The following TBC1D32 variants were observed in gnomAD, a reference collection of about 807,000 sequenced individuals.
The protein encoded by TBC1D32 is protein broad-minded.
TBC1D32 carries 151 observed loss-of-function variants against 170.3 expected under a neutral mutation model. The observed-to-expected ratio is 0.89, with a 90% CI of 0.78 to 1.01. The LOEUF (loss-of-function observed/expected upper bound fraction) is 1.01. TBC1D32 is among the 50% of genes least tolerant of loss of function. TBC1D32 has a pLI of 0.00. For missense variants in TBC1D32, 1,464 were observed against 1,457.1 expected (o/e 1.00, Z -0.08); for synonymous variants, 498 against 488.0 (o/e 1.02, Z -0.27).
chr6:121,101,685 G>A (rs935321528), intron 30 of TBC1D32, among the ~76,000 whole-genome samples: 2 of 152,114 alleles, frequency 1.3e-5, no homozygotes, highest in African/African-American at 4.8e-5. Context: ...CACAAGACAG[G>A]GATGCCCTCT....
chr6:121,272,586 G>A (rs572955432), intron 15 of TBC1D32, among the ~76,000 whole-genome samples: 13 of 152,110 alleles, frequency 8.5e-5, no homozygotes, highest in South Asian at 4.2e-4. Context: ...TTAGAATGGC[G>A]ATCATTAAAA....
rs202179950 is a variant in TBC1D32 at position 121,255,448 on chromosome 6, A to T, written c.1936-38T>A. 5.5e-3 allele frequency: 3,562 copies of T among 642,292 alleles called. 16 individuals are homozygous for T. Among genetic ancestry groups the T allele is most frequent in the Non-Finnish European group, 7.9e-3 (3,228 of 411,018 alleles). 39.8% of individuals were successfully genotyped at this position (642,292 alleles called of 1,614,324 possible). A position where few individuals can be genotyped will look rare whatever the true frequency, so the allele number is the denominator to read the frequency against. On this transcript the variant is annotated intron_variant, in intron 16 of 31. Transcript: ENST00000398212. The stretch of plus-strand genomic sequence containing the variant: ...AGAATAATTTATATTGCTTACTGAT[A>T]GCACTAGCCATATATTTATATTTTA...
chr6:121,135,050 G>A (rs1781895009), intron 24 of TBC1D32, among the ~76,000 whole-genome samples: 1 of 152,108 alleles, frequency 6.6e-6, no homozygotes, highest in Non-Finnish European at 1.5e-5. Flanking sequence ...GCTAGCCCAT[G>A]ACCTTCTATT....
At chr6:121,321,900 G>T in intron 1 of TBC1D32, 106 bp from the exon 2 acceptor site, 3 of 1,034,816 alleles carry the variant, frequency 2.9e-6, no homozygotes, top group South Asian at 4.4e-5. Context: ...CCTTAAACTA[G>T]GATTAAATTA....
chr6:121,325,451 G>A (rs1023766879), intron 1 of TBC1D32, among the ~76,000 whole-genome samples: 3 of 152,058 alleles, frequency 2.0e-5, no homozygotes, highest in Non-Finnish European at 2.9e-5. Flanking sequence ...ACAGAACAGA[G>A]GCCTCAGAAA....
chr6:121,131,677 C>T lies in TBC1D32; in HGVS notation c.2849G>A (p.Arg950Lys), dbSNP rs1781456038. The change falls in exon 25 of 32, where the codon AGA becomes AAA. Residue 950 changes from arginine (R) to lysine (K), a missense_variant. Coordinates refer to ENST00000398212, the MANE Select transcript of TBC1D32 (RefSeq NM_152730.6). ...KQTEWIENCQ[R>K]QFCKMMKAKP... ...GGCTTTCATCATTTTGCAAAATTGTCTTTGGCAGTTTTCTATCCATTCAGT... is the reference window on the plus strand; with the variant it reads ...GGCTTTCATCATTTTGCAAAATTGTTTTTGGCAGTTTTCTATCCATTCAGT... The T allele has an allele frequency of 1.2e-6, 2 of 1,611,518 alleles. No individual in the cohort carries two copies. Among genetic ancestry groups the T allele is most frequent in the Admixed American group, 1.7e-5 (1 of 59,890 alleles).
intron 14 of TBC1D32, among the ~76,000 whole-genome samples, chr6:121,280,706 C>T (rs1245050936): frequency 1.3e-5 from 2 of 149,516 alleles, no homozygotes; most frequent in African/African-American, 5.0e-5. Context: ...TCTATTATAA[C>T]TGGACTATAT....
chr6:121,126,285 A>C, intron 26 of TBC1D32, 93 bp downstream of exon 26: 1 of 903,584 alleles, frequency 1.1e-6, no homozygotes, highest in Non-Finnish European at 1.7e-6. Context: ...TTAGGATGAG[A>C]AAACTGCCTA....
intron 20 of TBC1D32, among the ~76,000 whole-genome samples, chr6:121,237,855 G>C (rs1486501598): frequency 1.3e-5 from 2 of 151,978 alleles, no homozygotes; most frequent in Non-Finnish European, 2.9e-5. Context: ...TCTCAAGAAT[G>C]AATCACATTT....
intron 30 of TBC1D32, among the ~76,000 whole-genome samples, chr6:121,105,479 T>G (rs1778584651): frequency 6.6e-6 from 1 of 151,906 alleles, no homozygotes; most frequent in South Asian, 2.1e-4. Context: ...TATAACATAG[T>G]GAAGCAACAA....
chr6:121,116,518 G>A lies in TBC1D32; in HGVS notation c.2984-1277C>T, dbSNP rs564874472. Among the ~76,000 whole-genome samples, 134 of 152,278 alleles carry A rather than the reference G, an allele frequency of 8.8e-4. 1 individual carries two copies. Among genetic ancestry groups the A allele is most frequent in the Admixed American group, 1.4e-3 (22 of 15,290 alleles). On this transcript the variant is annotated intron_variant, in intron 26 of 31. Transcript: ENST00000398212. ...TGAACCTTAACATATAGATCTGTGTGCCTATAGTAATACTAATGTTTTTTC... is the reference window on the plus strand; with the variant it reads ...TGAACCTTAACATATAGATCTGTGTACCTATAGTAATACTAATGTTTTTTC...
intron 11 of TBC1D32, among the ~76,000 whole-genome samples, chr6:121,293,208 A>G (rs2128465320): frequency 6.6e-6 from 1 of 152,274 alleles, no homozygotes; most frequent in African/African-American, 2.4e-5. Flanking sequence ...TGAAGGACTA[A>G]GAAAGTAATG....
At chr6:121,270,501 G>C (rs1398884430) in intron 15 of TBC1D32, among the ~76,000 whole-genome samples, 1 of 152,016 alleles carries the variant, frequency 6.6e-6, no homozygotes, top group Non-Finnish European at 1.5e-5. Flanking sequence ...AAATAAACTA[G>C]AAAATCTAGA....
chr6:121,118,961 C>T (rs544194781), intron 26 of TBC1D32, among the ~76,000 whole-genome samples: 46 of 152,214 alleles, frequency 3.0e-4, no homozygotes, highest in African/African-American at 8.4e-4. Flanking sequence ...CTTGATTATG[C>T]AATTACCCCT....
At chr6:121,260,952 T>C (rs1371902668) in intron 15 of TBC1D32, among the ~76,000 whole-genome samples, 1 of 152,086 alleles carries the variant, frequency 6.6e-6, no homozygotes, top group African/African-American at 2.4e-5. Flanking sequence ...GCCAGGGAAA[T>C]TCAGGAGGCT....
chr6:121,193,954 C>T (rs1790391732), intron 22 of TBC1D32, among the ~76,000 whole-genome samples: 1 of 152,152 alleles, frequency 6.6e-6, no homozygotes, highest in Non-Finnish European at 1.5e-5. Flanking sequence ...GTGAATATTT[C>T]TCCCATCCTT....
intron 24 of TBC1D32, among the ~76,000 whole-genome samples, chr6:121,151,306 C>A (rs183900875): frequency 1.3e-5 from 2 of 152,062 alleles, no homozygotes; most frequent in Non-Finnish European, 2.9e-5. Context: ...TGTAGTTGTG[C>A]GGTTTTGAGT....
intron 19 of TBC1D32, 43 bp from the exon 20 acceptor site, chr6:121,239,231 T>C: frequency 8.2e-7 from 1 of 1,224,892 alleles, no homozygotes; most frequent in Non-Finnish European, 1.2e-6. Flanking sequence ...GCATAATATT[T>C]CTTTGGATTA....
chr6:121,205,285 G>T (rs190334939), intron 21 of TBC1D32, 122 bp from the exon 22 acceptor site: 2 of 493,212 alleles, frequency 4.1e-6, no homozygotes, highest in African/African-American at 2.0e-5. Context: ...ATCACCTGGG[G>T]AGCTGTAAAT....
Sources: allele counts gnomAD v4.1 joint callset (sites outside exome capture counted in the v4.1 genomes callset), GRCh38; gene constraint gnomAD v4.1.1; transcripts MANE v1.5; gene names NCBI Gene and HGNC (gene_info 2026-07-23, HGNC 2026-07-21).